Variants in PCDHGA1 observed in about 807,000 individuals in gnomAD.
PCDHGA1 encodes protocadherin gamma-A1.
A neutral mutation model predicts 58.0 loss-of-function variants in PCDHGA1; 32 were observed. That is an observed-to-expected ratio of 0.55 (90% confidence interval 0.42 to 0.74). The LOEUF is 0.74. Ranked by LOEUF, PCDHGA1 falls within the 30% of genes least tolerant of loss-of-function variation. PCDHGA1 has a pLI of 0.00. For missense variants in PCDHGA1, 1,205 were observed against 1,182.3 expected (o/e 1.02, Z -0.28); for synonymous variants, 498 against 501.1 (o/e 0.99, Z 0.08).
chr5:141,340,537 T>C (rs776292365), intron 1 of PCDHGA1: 2 of 1,614,246 alleles, frequency 1.2e-6, no homozygotes, highest in Non-Finnish European at 1.7e-6. Context: ...CCTTTGATTA[T>C]GAGCAGTTGC....
intron 1 of PCDHGA1, among the ~76,000 whole-genome samples, chr5:141,402,229 AG>A (rs1400203598): frequency 6.6e-6 from 1 of 152,110 alleles, no homozygotes; most frequent in Non-Finnish European, 1.5e-5. Context: ...ACGTTTTTCC[AG>A]GAATTTTATC....
intron 1 of PCDHGA1, chr5:141,478,644 T>C (rs1217932733): frequency 6.4e-7 from 1 of 1,552,238 alleles, no homozygotes. Flanking sequence ...GATGAAGATG[T>C]TTTCCTGGTG....
chr5:141,345,616 T>TA, intron 1 of PCDHGA1: 1 of 1,614,174 alleles, frequency 6.2e-7, no homozygotes, highest in Non-Finnish European at 8.5e-7. Context: ...TTTAGAGACT[T>TA]AAAGCTACTG....
At chr5:141,384,331 G>C (rs376216978) in intron 1 of PCDHGA1, 1 of 1,613,728 alleles carries the variant, frequency 6.2e-7, no homozygotes, top group Non-Finnish European at 8.5e-7. Flanking sequence ...GACTGCACAG[G>C]ACCACGACAG....
chr5:141,340,791 A>G lies in PCDHGA1; in HGVS notation c.2421+7686A>G, dbSNP rs61749022. On this transcript the variant is annotated intron_variant, in intron 1 of 3. Coordinates refer to ENST00000517417, the MANE Select transcript of PCDHGA1 (RefSeq NM_018912.3). Reference sequence around the variant, plus strand: ...GGCCAGAACGCCTGGCTGTCTTACCACCTGCTCAAGGCCAGCGAGCCGGGA... The same window carrying G: ...GGCCAGAACGCCTGGCTGTCTTACCGCCTGCTCAAGGCCAGCGAGCCGGGA... The G allele has an allele frequency of 4.5e-3, 7,280 of 1,611,334 alleles. 200 individuals are homozygous for G. In the African/African-American group the frequency reaches 0.049, roughly 11 times the overall value.
At chr5:141,392,901 C>G in intron 1 of PCDHGA1, 1 of 1,613,832 alleles carries the variant, frequency 6.2e-7, no homozygotes, top group Non-Finnish European at 8.5e-7. Context: ...CGGGAGGGGA[C>G]AGATTCGCTA....
intron 2 of PCDHGA1, among the ~76,000 whole-genome samples, chr5:141,497,543 T>C (rs896069181): frequency 4.7e-5 from 7 of 149,068 alleles, no homozygotes; most frequent in Non-Finnish European, 9.0e-5. Context: ...AACAAACCTT[T>C]TTTTTTTTTT....
chr5:141,418,228 T>C, intron 1 of PCDHGA1: 2 of 1,613,990 alleles, frequency 1.2e-6, no homozygotes, highest in Non-Finnish European at 1.7e-6. Context: ...TTGTGGTGAT[T>C]GAGGATGTTA....
intron 1 of PCDHGA1, chr5:141,374,477 C>T (rs376389009): frequency 7.4e-6 from 12 of 1,611,808 alleles, no homozygotes; most frequent in Non-Finnish European, 9.3e-6. Context: ...CAATACACCC[C>T]GATTCTTAAA....
At chr5:141,352,367 G>C in intron 1 of PCDHGA1, 1 of 1,614,060 alleles carries the variant, frequency 6.2e-7, no homozygotes, top group Non-Finnish European at 8.5e-7. Flanking sequence ...TCTCCTCGCG[G>C]TGATTCTAGC....
chr5:141,386,602 T>C (rs2090639414), intron 1 of PCDHGA1, among the ~76,000 whole-genome samples: 1 of 152,182 alleles, frequency 6.6e-6, no homozygotes, highest in African/African-American at 2.4e-5. Flanking sequence ...TACATTTTTT[T>C]TTTTTGACAT....
intron 1 of PCDHGA1, chr5:141,415,782 T>C: frequency 7.4e-7 from 1 of 1,356,228 alleles, no homozygotes. Context: ...TACTTTCTGG[T>C]AAAATTCACC....
chr5:141,511,048 C>G lies in PCDHGA1; in HGVS notation c.2671C>G (p.Arg891Gly). The G allele has an allele frequency of 6.2e-7, 1 of 1,614,224 alleles. No homozygotes were observed. Among genetic ancestry groups the G allele is most frequent in the Non-Finnish European group, 8.5e-7 (1 of 1,180,028 alleles). ...QFTLQHVPDYRQNVYIPGSNA... is the reference protein window; with the variant it reads ...QFTLQHVPDYGQNVYIPGSNA... ...CACCCTGCAGCACGTGCCCGACTAC[C>G]GCCAGAATGTCTACATCCCAGGCAG... Residue 891 changes from arginine (R) to glycine (G), a missense_variant, in exon 4 of 4, where the codon CGC becomes GGC. Arg to Gly is a moderately radical substitution (Grantham distance 125, BLOSUM62 -2). Transcript: ENST00000517417.
intron 1 of PCDHGA1, among the ~76,000 whole-genome samples, chr5:141,386,342 A>C (rs1000567568): frequency 2.0e-5 from 3 of 152,226 alleles, no homozygotes; most frequent in Non-Finnish European, 2.9e-5. Context: ...GGGGTGGATG[A>C]CAAGGTAATC....
Position 141,486,200 on chromosome 5 carries a change from G to A in PCDHGA1, c.2422-8607G>A, listed in dbSNP as rs764874531. The stretch of plus-strand genomic sequence containing the variant: ...CAGCCTTCGAGTGGATCTGCTGGAC[G>A]TAAATGACAATGCCCCTTACATCAC... On this transcript the variant is annotated intron_variant, in intron 1 of 3. Transcript: ENST00000517417. The surrounding 1 kb of genome is among the most constrained non-coding windows in gnomAD (Gnocchi z 5.0). The A allele has an allele frequency of 2.0e-5, 32 of 1,614,096 alleles. No homozygotes were observed. Among genetic ancestry groups the A allele is most frequent in the Non-Finnish European group, 2.3e-5 (27 of 1,180,040 alleles).
At position 141,332,988 on chromosome 5, in the gene PCDHGA1, G is replaced by A. The variant is rs760180296; in HGVS notation, c.2304G>A (p.Leu768=). The A allele has an allele frequency of 5.0e-6, 8 of 1,614,224 alleles. No homozygotes were observed. The highest frequency in any genetic ancestry group is 5.9e-6 in the Non-Finnish European group (7 of 1,180,042). ...SLTADSRKSH[L]IFPQPNYADT... ...CTGCGGACTCGCGGAAGAGCCACCT[G>A]ATTTTCCCCCAGCCCAACTATGCGG... The change falls in exon 1 of 4, where the codon CTG becomes CTA. Residue 768 remains leucine, a synonymous_variant. Coordinates refer to ENST00000517417, the MANE Select transcript of PCDHGA1 (RefSeq NM_018912.3). This position sits in a 1 kb window ranked among gnomAD's most constrained non-coding sequence, Gnocchi z 4.6.
At chr5:141,376,215 T>C in intron 1 of PCDHGA1, 1 of 1,614,216 alleles carries the variant, frequency 6.2e-7, no homozygotes, top group Non-Finnish European at 8.5e-7. Flanking sequence ...GTCATCGTGC[T>C]GCTGGCGCTC....
intron 1 of PCDHGA1, chr5:141,364,348 G>A: frequency 6.5e-7 from 1 of 1,544,604 alleles, no homozygotes; most frequent in Non-Finnish European, 8.7e-7. Context: ...GTCCACCTAG[G>A]GGCTGGGGCT....
chr5:141,344,464 AACT>A, intron 1 of PCDHGA1: 1 of 1,613,906 alleles, frequency 6.2e-7, no homozygotes, highest in South Asian at 1.1e-5. Context: ...AAAATTGGTG[AACT>A]AACGGTTCCT....
Sources: allele counts gnomAD v4.1 joint callset (sites outside exome capture counted in the v4.1 genomes callset), GRCh38; gene constraint gnomAD v4.1.1; non-coding constraint Gnocchi (gnomAD v3.1); transcripts MANE v1.5; gene names NCBI Gene and HGNC (gene_info 2026-07-23, HGNC 2026-07-21).